Variants in CS observed in about 807,000 individuals in gnomAD.
The protein encoded by CS is citrate synthase, mitochondrial.
Under a neutral mutation model 61.4 loss-of-function variants are expected in CS, and 13 were observed. The observed-to-expected ratio is 0.21, with a 90% CI of 0.14 to 0.34. The LOEUF (loss-of-function observed/expected upper bound fraction) is 0.34. CS is among the 10% of genes least tolerant of loss of function. The pLI, the probability that CS is intolerant of heterozygous loss-of-function variation, is 1.00. For missense variants in CS, 278 were observed against 573.4 expected, an observed-to-expected ratio of 0.48 and a Z score of 5.26; for synonymous variants, 159 against 215.2, an observed-to-expected ratio of 0.74 and a Z score of 2.29.
intron 5 of CS, 23 bp downstream of exon 5, chr12:56,282,837 C>G (rs1330864698): frequency 1.9e-6 from 3 of 1,613,178 alleles, no homozygotes; most frequent in Non-Finnish European, 2.5e-6. Flanking sequence ...ATGAGAAGAG[C>G]TAATAATATC....
At chr12:56,274,716 C>A in intron 9 of CS, 61 bp downstream of exon 9, 3 of 1,291,582 alleles carry the variant, frequency 2.3e-6, no homozygotes, top group Non-Finnish European at 3.2e-6. Flanking sequence ...TTTCTTAATT[C>A]TTCCAAATTG....
intron 9 of CS, 156 bp downstream of exon 9, chr12:56,274,621 G>T: frequency 1.7e-6 from 1 of 605,228 alleles, no homozygotes; most frequent in East Asian, 3.0e-5. Context: ...ATGCCATTGT[G>T]CCCACCTAGA....
At chr12:56,298,372 G>A (rs1178070894) in intron 1 of CS, among the ~76,000 whole-genome samples, 3 of 152,050 alleles carry the variant, frequency 2.0e-5, no homozygotes, top group African/African-American at 7.2e-5. Context: ...ATCTCTAACA[G>A]GAAAATAATG....
intron 9 of CS, chr12:56,273,997 C>CTT (rs35366727): frequency 3.3e-3 from 1,218 of 373,880 alleles, no homozygotes; most frequent in South Asian, 0.014. Context: ...ACACATCTGG[C>CTT]TTTTTTTTTT....
chr12:56,289,506 G>A (rs901143235), intron 1 of CS, among the ~76,000 whole-genome samples: 5 of 151,682 alleles, frequency 3.3e-5, no homozygotes, highest in Admixed American at 2.6e-4. Context: ...GCAGTGGTGC[G>A]ATCTCAGCTC....
chr12:56,275,966 T>C (rs1301387799), intron 7 of CS, 30 bp downstream of exon 7: 1 of 1,606,806 alleles, frequency 6.2e-7, no homozygotes, highest in Non-Finnish European at 8.5e-7. Context: ...TTGAGGCACC[T>C]AGTGGCTGTG....
At chr12:56,290,008 C>T (rs1256982595) in intron 1 of CS, among the ~76,000 whole-genome samples, 1 of 152,028 alleles carries the variant, frequency 6.6e-6, no homozygotes, top group Admixed American at 6.6e-5. Context: ...ATTCTCCTGC[C>T]TCAGCCTCGC....
Position 56,285,917 on chromosome 12 carries a change from A to C in CS, c.200T>G (p.Met67Arg). The C allele has an allele frequency of 6.2e-7, 1 of 1,611,256 alleles. No homozygotes were observed. The highest frequency in any genetic ancestry group is 8.5e-7 in the Non-Finnish European group (1 of 1,178,992). ...CAGCCAAAGCCACACAACCCTTACCATGTCCACAGTGATTTGGCCCACCAC... is the reference window on the plus strand; with the variant it reads ...CAGCCAAAGCCACACAACCCTTACCCTGTCCACAGTGATTTGGCCCACCAC... Reference protein sequence around the residue: ...KTVVGQITVDMMYGGMRGMKG... With the variant: ...KTVVGQITVDRMYGGMRGMKG... The change falls in exon 3 of 11, where the codon ATG becomes AGG. Residue 67 changes from methionine (M) to arginine (R), a missense_variant and splice_region_variant. Coordinates refer to ENST00000351328, the MANE Select transcript of CS (RefSeq NM_004077.3).
chr12:56,280,418 A>AAAAAT (rs1872742551), intron 6 of CS, among the ~76,000 whole-genome samples: 1 of 98,890 alleles, frequency 1.0e-5, no homozygotes, highest in Admixed American at 1.0e-4. Flanking sequence ...CCGTCTCCCA[A>AAAAAT]AAAAAACAAA....
Position 56,272,447 on chromosome 12 carries a change from TCCCAGACC to T in CS, c.*629_*636del, listed in dbSNP as rs1872539904. The stretch of plus-strand genomic sequence containing the variant: ...ATTAAAGTAATGGGAAACAGAACAC[TCCCAGACC>T]TTAATTTTAATTGGATAGTTTTAAA... On this transcript the variant is annotated 3_prime_UTR_variant, in exon 11 of 11. Coordinates refer to ENST00000351328, the MANE Select transcript of CS (RefSeq NM_004077.3). The T allele has an allele frequency of 6.6e-6, 1 of 152,298 alleles. No homozygotes were observed. The highest frequency in any genetic ancestry group is 1.5e-5 in the Non-Finnish European group (1 of 68,434). The allele number at this position is 152,298 out of a possible 1,614,324, so 9.4% of individuals were successfully genotyped here.
intron 5 of CS, 119 bp from the exon 6 acceptor site, chr12:56,282,727 C>T (rs1480812072): frequency 2.0e-6 from 3 of 1,528,650 alleles, no homozygotes; most frequent in African/African-American, 1.4e-5. Flanking sequence ...TCCATTTATA[C>T]AGCAGAACTC....
In CS at chr12:56,280,935, G is replaced by A. The variant is rs1282240009; in HGVS notation, c.588+1485C>T. On this transcript the variant is annotated intron_variant, in intron 6 of 10. Coordinates refer to ENST00000351328, the MANE Select transcript of CS (RefSeq NM_004077.3). ...AACCAAGTTAATATCAATTTTAAAT[G>A]CTCTCTGTCTTCCTCAACTGCAAAC... 2.0e-5 allele frequency among the ~76,000 whole-genome samples: 3 copies of A among 152,224 alleles called. No individual in the cohort carries two copies. The East Asian group carries it at 5.8e-4, about 29-fold the overall frequency.
intron 6 of CS, 141 bp from the exon 7 acceptor site, chr12:56,276,336 A>G: frequency 2.9e-6 from 2 of 689,934 alleles, no homozygotes; most frequent in Middle Eastern, 3.5e-4. Flanking sequence ...TATATTGAGT[A>G]TGTTTGAAAG....
chr12:56,298,447 GA>G (rs1309250924), intron 1 of CS, among the ~76,000 whole-genome samples: 1 of 152,156 alleles, frequency 6.6e-6, no homozygotes, highest in Non-Finnish European at 1.5e-5. Flanking sequence ...GCTTAAGGAG[GA>G]AAATAAATTC....
intron 10 of CS, 102 bp downstream of exon 10, chr12:56,273,485 G>A (rs1872560413): frequency 1.6e-6 from 2 of 1,225,878 alleles, no homozygotes; most frequent in Non-Finnish European, 2.3e-6. Context: ...TGCTCTGTGA[G>A]GGAAGTCCCT....
At chr12:56,296,086 G>C (rs942686583) in intron 1 of CS, among the ~76,000 whole-genome samples, 5 of 151,032 alleles carry the variant, frequency 3.3e-5, no homozygotes, top group Non-Finnish European at 5.9e-5. Flanking sequence ...TAGGATCCAG[G>C]AAACTGCAAC....
intron 1 of CS, 65 bp from the exon 2 acceptor site, chr12:56,286,710 G>A: frequency 7.3e-7 from 1 of 1,376,126 alleles, no homozygotes; most frequent in Non-Finnish European, 1.0e-6. Flanking sequence ...TAACAAGAAG[G>A]AATTACAGTG....
At chr12:56,300,135 C>A in intron 1 of CS, 25 bp downstream of exon 1, 1 of 1,553,654 alleles carries the variant, frequency 6.4e-7, no homozygotes, top group Non-Finnish European at 8.7e-7. Context: ...CCTGGGACGG[C>A]GTGCTCCCTC....
At chr12:56,292,276 T>C (rs1446940260) in intron 1 of CS, among the ~76,000 whole-genome samples, 1 of 151,410 alleles carries the variant, frequency 6.6e-6, no homozygotes, top group Non-Finnish European at 1.5e-5. Context: ...CAGGTGCCTG[T>C]AGTCCCAGCT....
Sources: gnomAD v4.1 joint callset for allele counts (sites outside exome capture counted in the v4.1 genomes callset) on GRCh38, gnomAD v4.1.1 for gene constraint, MANE v1.5 for transcripts, NCBI Gene and HGNC (gene_info 2026-07-23, HGNC 2026-07-21) for gene names.